The following DGKH variants were observed in gnomAD, a reference collection of about 807,000 sequenced individuals.
The protein encoded by DGKH is diacylglycerol kinase eta, also known as DAG kinase eta.
A neutral mutation model predicts 159.3 loss-of-function variants in DGKH; 90 were observed. That is an observed-to-expected ratio of 0.57 (90% confidence interval 0.48 to 0.67). The LOEUF (loss-of-function observed/expected upper bound fraction) is 0.67, where lower values mean the gene tolerates loss of function less well. DGKH is among the 30% of genes least tolerant of loss of function. The pLI, the probability that DGKH is intolerant of heterozygous loss-of-function variation, is 0.00. For missense variants in DGKH, 1,181 were observed against 1,506.1 expected, an observed-to-expected ratio of 0.78 and a Z score of 3.57; for synonymous variants, 536 against 553.8, an observed-to-expected ratio of 0.97 and a Z score of 0.45.
At chr13:42,137,808 A>G (rs1430866792) in intron 3 of DGKH, among the ~76,000 whole-genome samples, 1 of 152,226 alleles carries the variant, frequency 6.6e-6, no homozygotes, top group Non-Finnish European at 1.5e-5. Context: ...CCTGGGATTG[A>G]TTGGCATTTC....
intron 26 of DGKH, 146 bp downstream of exon 26, chr13:42,215,813 T>G: frequency 1.5e-6 from 1 of 650,796 alleles, no homozygotes. Context: ...ACCTGGTTTT[T>G]GTCTTCAAGA....
chr13:42,151,515 G>GTATATATATACATGTGTATA (rs1955887345), intron 3 of DGKH, among the ~76,000 whole-genome samples: 2 of 100,960 alleles, frequency 2.0e-5, no homozygotes, highest in East Asian at 3.6e-4. Flanking sequence ...GTATACACAT[G>GTATATATATACATGTGTATA]TATATATATA....
chr13:42,146,881 A>G (rs1015555291), intron 3 of DGKH, among the ~76,000 whole-genome samples: 1 of 152,220 alleles, frequency 6.6e-6, no homozygotes, highest in African/African-American at 2.4e-5. Flanking sequence ...TGAATTTTGT[A>G]TCATAAATGT....
At chr13:42,061,006 C>T (rs370323691) in intron 1 of DGKH, among the ~76,000 whole-genome samples, 29 of 152,090 alleles carry the variant, frequency 1.9e-4, no homozygotes, top group African/African-American at 3.1e-4. Context: ...AGTTTAGGAG[C>T]GGCGGTTTAA....
At chr13:42,219,488 G>A in intron 27 of DGKH, 139 bp downstream of exon 27, 1 of 1,376,018 alleles carries the variant, frequency 7.3e-7, no homozygotes, top group East Asian at 2.3e-5. Flanking sequence ...GAACAAATGA[G>A]AAAAGGCATT....
intron 1 of DGKH, among the ~76,000 whole-genome samples, chr13:42,098,078 T>C (rs1954579603): frequency 6.6e-6 from 1 of 152,184 alleles, no homozygotes; most frequent in Non-Finnish European, 1.5e-5. Context: ...TTTTTAGAAG[T>C]CTCTTTTTTA....
intron 23 of DGKH, 122 bp from the exon 24 acceptor site, chr13:42,210,480 A>G (rs1957624085): frequency 4.2e-6 from 4 of 945,216 alleles, no homozygotes; most frequent in Non-Finnish European, 4.7e-6. Context: ...TGTCTTTTTT[A>G]TACTTGTGAT....
At chr13:42,218,081 G>A (rs1200105707) in intron 26 of DGKH, among the ~76,000 whole-genome samples, 2 of 152,092 alleles carry the variant, frequency 1.3e-5, no homozygotes, top group African/African-American at 4.8e-5. Flanking sequence ...ATTTCCAGAG[G>A]AAGAAATAAA....
At chr13:42,115,222 T>C (rs1566108851) in intron 1 of DGKH, among the ~76,000 whole-genome samples, 1 of 152,240 alleles carries the variant, frequency 6.6e-6, no homozygotes, top group Non-Finnish European at 1.5e-5. Context: ...TTCCACTGAA[T>C]TCCTCCAGTT....
At chr13:42,128,490 A>G (rs961088951) in intron 2 of DGKH, among the ~76,000 whole-genome samples, 1 of 152,088 alleles carries the variant, frequency 6.6e-6, no homozygotes, top group Admixed American at 6.6e-5. Flanking sequence ...GATTTTTCAC[A>G]TTTATCTCTA....
chr13:42,130,126 C>G (rs778945413), intron 3 of DGKH, among the ~76,000 whole-genome samples: 1 of 152,240 alleles, frequency 6.6e-6, no homozygotes, highest in Non-Finnish European at 1.5e-5. Flanking sequence ...CTTAAAAAGA[C>G]CTCACTGGTT....
intron 29 of DGKH, 50 bp downstream of exon 29, chr13:42,221,444 A>G: frequency 6.2e-7 from 1 of 1,604,816 alleles, no homozygotes; most frequent in Non-Finnish European, 8.5e-7. Context: ...GCAAAACAGA[A>G]TCCTTTCTCC....
At chr13:42,207,251 G>A (rs911950884) in intron 21 of DGKH, among the ~76,000 whole-genome samples, 19 of 147,072 alleles carry the variant, frequency 1.3e-4, no homozygotes, top group African/African-American at 4.1e-4. Context: ...GTGCAATGGC[G>A]TAATCTCAGC....
rs34351817 is a variant in DGKH at position 42,206,012 on chromosome 13, CTT to C, written c.2494-11_2494-10del. ...TTCTGCTCTTTTTATCTAATCTCTA[CTT>C]TTTTTTTTTTTTTTTACCTTACAGT... On this transcript the variant is annotated intron_variant, in intron 20 of 29. Coordinates refer to ENST00000337343, the MANE Select transcript of DGKH (RefSeq NM_178009.5). 0.1 allele frequency: 108,706 copies of C among 1,082,396 alleles called. No homozygotes were observed. The highest frequency in any genetic ancestry group is 0.15 in the East Asian group (4,572 of 31,106). The allele number at this position is 1,082,396 out of a possible 1,614,324, so 67.0% of individuals were successfully genotyped here. A position where few individuals can be genotyped will look rare whatever the true frequency, so the allele number is the denominator to read the frequency against.
intron 1 of DGKH, among the ~76,000 whole-genome samples, chr13:42,115,924 C>T (rs7981733): frequency 0.44 from 66,364 of 151,878 alleles, 14,776 homozygotes; most frequent in Non-Finnish European, 0.47. Flanking sequence ...GGAGCCCAAA[C>T]TAAGGCAATA....
At position 42,143,666 on chromosome 13, in the gene DGKH, G is replaced by A. The variant is rs112696700; in HGVS notation, c.385-11625G>A. On this transcript the variant is annotated intron_variant, in intron 3 of 29. Transcript: ENST00000337343. ...TCGAGGAATTTATCCATTTCTTCTA[G>A]ATTTTCTAGTTTATTTGCGTAGAGG... is the stretch of plus-strand genomic sequence containing the variant. Among the ~76,000 whole-genome samples the A allele has an allele frequency of 8.5e-5, 13 of 152,220 alleles. No homozygotes were observed. The East Asian group carries it at 1.5e-3, about 18-fold the overall frequency.
At chr13:42,120,951 T>A (rs1429006322) in intron 1 of DGKH, among the ~76,000 whole-genome samples, 1 of 152,144 alleles carries the variant, frequency 6.6e-6, no homozygotes, top group Admixed American at 6.6e-5. Flanking sequence ...CCCATTTTCC[T>A]TTTTACTTAC....
intron 1 of DGKH, among the ~76,000 whole-genome samples, chr13:42,079,013 C>G (rs1477898247): frequency 6.9e-6 from 1 of 145,076 alleles, no homozygotes; most frequent in African/African-American, 2.6e-5. Flanking sequence ...TGGGTTCAAG[C>G]GATTCTCCTG....
chr13:42,210,210 G>A (rs997332807), intron 23 of DGKH, among the ~76,000 whole-genome samples: 3 of 151,610 alleles, frequency 2.0e-5, no homozygotes, highest in African/African-American at 7.3e-5. Flanking sequence ...CTGCTTCATT[G>A]CACATGCTGG....
Sources: allele counts gnomAD v4.1 joint callset (sites outside exome capture counted in the v4.1 genomes callset), GRCh38; gene constraint gnomAD v4.1.1; transcripts MANE v1.5; gene names NCBI Gene and HGNC (gene_info 2026-07-23, HGNC 2026-07-21).